The following PRKAR1B variants were observed in gnomAD, a reference collection of about 807,000 sequenced individuals.
PRKAR1B encodes protein kinase cAMP-dependent type I regulatory subunit beta.
PRKAR1B carries 22 observed loss-of-function variants against 46.5 expected under a neutral mutation model. That is an observed-to-expected ratio of 0.47 (90% confidence interval 0.34 to 0.68). PRKAR1B has a LOEUF of 0.68. Ranked by LOEUF, PRKAR1B falls within the 30% of genes least tolerant of loss-of-function variation. The probability of loss-of-function intolerance (pLI) is 0.01; values close to 1 mark genes in which losing one functional copy is unlikely to be tolerated. For missense variants in PRKAR1B, 445 were observed against 535.6 expected (o/e 0.83, Z 1.67); for synonymous variants, 259 against 217.7 (o/e 1.19, Z -1.67).
intron 8 of PRKAR1B, among the ~76,000 whole-genome samples, chr7:583,802 G>A (rs1244480580): frequency 8.4e-6 from 1 of 118,376 alleles, no homozygotes; most frequent in Non-Finnish European, 1.8e-5. Flanking sequence ...GCACTCACAT[G>A]CACACTCATG....
chr7:634,720 AC>A (rs1783947173), intron 4 of PRKAR1B, among the ~76,000 whole-genome samples: 1 of 150,474 alleles, frequency 6.6e-6, no homozygotes, highest in Non-Finnish European at 1.5e-5. Flanking sequence ...GCTCACTGCA[AC>A]CCCTGCCTTC....
intron 6 of PRKAR1B, among the ~76,000 whole-genome samples, chr7:599,036 C>T (rs1031248120): frequency 2.0e-5 from 3 of 152,236 alleles, no homozygotes; most frequent in Non-Finnish European, 4.4e-5. Flanking sequence ...CAGGCAGGAC[C>T]CAGGGAAGCT....
chr7:597,551 G>A (rs1456635020), intron 6 of PRKAR1B, among the ~76,000 whole-genome samples: 2 of 152,204 alleles, frequency 1.3e-5, no homozygotes, highest in African/African-American at 2.4e-5. Context: ...ATCAGAAGAC[G>A]GCCGTCCTTC....
At position 550,621 on chromosome 7, in the gene PRKAR1B, G is replaced by GA; in HGVS notation, c.974-20_974-19insT. The GA allele has an allele frequency of 6.5e-7, 1 of 1,529,962 alleles. No homozygotes were observed. Among genetic ancestry groups the GA allele is most frequent in the Non-Finnish European group, 8.7e-7 (1 of 1,143,672 alleles). The allele number at this position is 1,529,962 out of a possible 1,614,324, so 94.8% of individuals were successfully genotyped here. On this transcript the variant is annotated intron_variant, in intron 10 of 10. Coordinates refer to ENST00000537384, the MANE Select transcript of PRKAR1B (RefSeq NM_001164760.2). ...ATCTCCCCTGGGGGTTGAAGAGAGAGGTCAGGGCTGGGCCTGGGGGTCCTG... is the reference window on the plus strand; with the variant it reads ...ATCTCCCCTGGGGGTTGAAGAGAGAGAGTCAGGGCTGGGCCTGGGGGTCCTG...
chr7:613,112 T>G (rs1400453173), intron 4 of PRKAR1B, among the ~76,000 whole-genome samples: 1 of 152,038 alleles, frequency 6.6e-6, no homozygotes, highest in Admixed American at 6.6e-5. Flanking sequence ...TCGATGAAAC[T>G]GTACAATTTA....
chr7:675,474 T>C (rs1355182245), intron 4 of PRKAR1B, among the ~76,000 whole-genome samples: 2 of 152,252 alleles, frequency 1.3e-5, no homozygotes, highest in Non-Finnish European at 2.9e-5. Context: ...ATAGGACTAG[T>C]ATCAAAATAT....
At chr7:617,901 C>T (rs1042777925) in intron 4 of PRKAR1B, among the ~76,000 whole-genome samples, 1 of 152,170 alleles carries the variant, frequency 6.6e-6, no homozygotes, top group Non-Finnish European at 1.5e-5. Context: ...CTAGACACCC[C>T]GCCCCTGCAC....
rs544420495 is a variant in PRKAR1B, at chr7:593,187, A to G, written c.708+2959T>C. Among the ~76,000 whole-genome samples the G allele has an allele frequency of 6.6e-6, 1 of 152,304 alleles. No homozygotes were observed. The highest frequency in any genetic ancestry group is 6.5e-5 in the Admixed American group (1 of 15,302). On this transcript the variant is annotated intron_variant, in intron 7 of 10. Coordinates refer to ENST00000537384, the MANE Select transcript of PRKAR1B (RefSeq NM_001164760.2). The surrounding 1 kb of genome is among the most constrained non-coding windows in gnomAD (Gnocchi z 6.1). ...GCGGTGGAGGAAAGAGACGGGCATC[A>G]GGGAGTCTCCCAGATCAGACACTCT...
intron 4 of PRKAR1B, among the ~76,000 whole-genome samples, chr7:674,143 A>T (rs185972796): frequency 6.6e-6 from 1 of 152,268 alleles, no homozygotes; most frequent in East Asian, 1.9e-4. Flanking sequence ...GGTCCCAGAG[A>T]CTAGGTCGTG....
At chr7:642,400 A>G (rs925689222) in intron 4 of PRKAR1B, among the ~76,000 whole-genome samples, 2 of 152,184 alleles carry the variant, frequency 1.3e-5, no homozygotes, top group Non-Finnish European at 2.9e-5. Flanking sequence ...GAATTTTATC[A>G]TATATGAATT....
intron 1 of PRKAR1B, among the ~76,000 whole-genome samples, chr7:715,418 G>A (rs1046094949): frequency 4.6e-5 from 7 of 152,040 alleles, no homozygotes; most frequent in African/African-American, 1.4e-4. Flanking sequence ...CAGGTCGGTC[G>A]CCACCCTGCC....
chr7:656,197 G>GA (rs898843235), intron 4 of PRKAR1B, among the ~76,000 whole-genome samples: 2 of 152,038 alleles, frequency 1.3e-5, no homozygotes, highest in Non-Finnish European at 2.9e-5. Context: ...TGAATGAATG[G>GA]AAAAATGAAT....
At chr7:643,937 G>C (rs978211748) in intron 4 of PRKAR1B, among the ~76,000 whole-genome samples, 12 of 152,094 alleles carry the variant, frequency 7.9e-5, no homozygotes, top group African/African-American at 2.9e-4. Context: ...AGCCTTTCCA[G>C]CTGAGGTCCC....
intron 9 of PRKAR1B, among the ~76,000 whole-genome samples, chr7:578,189 C>A (rs1471018221): frequency 6.6e-6 from 1 of 152,202 alleles, no homozygotes. Context: ...TCGAGTCCCA[C>A]CTGCTAACTC....
intron 2 of PRKAR1B, among the ~76,000 whole-genome samples, chr7:709,176 TGAAA>T (rs1780487926): frequency 4.1e-5 from 6 of 145,796 alleles, no homozygotes; most frequent in Admixed American, 4.1e-4. Context: ...GAGGAAAGGT[TGAAA>T]AACCTTAGTA....
At chr7:576,386 T>C (rs1403319218) in intron 9 of PRKAR1B, among the ~76,000 whole-genome samples, 1 of 152,178 alleles carries the variant, frequency 6.6e-6, no homozygotes, top group African/African-American at 2.4e-5. Context: ...GAAGCATCAC[T>C]GTTGAACGAG....
chr7:654,769 C>T (rs1308593676), intron 4 of PRKAR1B, among the ~76,000 whole-genome samples: 2 of 152,092 alleles, frequency 1.3e-5, no homozygotes, highest in African/African-American at 4.8e-5. Flanking sequence ...TCACCTTCAC[C>T]ATCACCATCT....
chr7:719,501 C>A (rs552419503), intron 1 of PRKAR1B, among the ~76,000 whole-genome samples: 1 of 152,224 alleles, frequency 6.6e-6, no homozygotes, highest in South Asian at 2.1e-4. Context: ...TTCTTTGTAG[C>A]GACGAGGTGT....
At chr7:627,176 G>T (rs1402412303) in intron 4 of PRKAR1B, among the ~76,000 whole-genome samples, 2 of 152,044 alleles carry the variant, frequency 1.3e-5, no homozygotes, top group Admixed American at 6.5e-5. Flanking sequence ...TATTTGTAGA[G>T]ATGGGGTCTC....
Sources: allele counts gnomAD v4.1 joint callset (sites outside exome capture counted in the v4.1 genomes callset), GRCh38; gene constraint gnomAD v4.1.1; non-coding constraint Gnocchi (gnomAD v3.1); transcripts MANE v1.5; gene names NCBI Gene and HGNC (gene_info 2026-07-23, HGNC 2026-07-21).